The following ADAMTSL1 variants were observed in gnomAD, a reference collection of about 807,000 sequenced individuals.
The protein encoded by ADAMTSL1 is ADAMTS-like protein 1.
In ADAMTSL1, 126 loss-of-function variants were observed where a neutral mutation model predicts 201.8. The observed-to-expected ratio is 0.62, with a 90% CI of 0.54 to 0.72. The LOEUF (loss-of-function observed/expected upper bound fraction) is 0.72. Among genes scored for constraint, ADAMTSL1 ranks in the 30% least tolerant of loss-of-function variants. The probability of loss-of-function intolerance (pLI) is 0.00; values close to 1 mark genes in which losing one functional copy is unlikely to be tolerated. For missense variants in ADAMTSL1, 2,679 were observed against 2,277.8 expected, an observed-to-expected ratio of 1.18 and a Z score of -3.59; for synonymous variants, 1,121 against 903.4, an observed-to-expected ratio of 1.24 and a Z score of -4.32.
At chr9:18,271,288 C>T (rs1439962714) in intron 2 of ADAMTSL1, among the ~76,000 whole-genome samples, 3 of 152,024 alleles carry the variant, frequency 2.0e-5, no homozygotes, top group Non-Finnish European at 2.9e-5. Context: ...CCCATTAACT[C>T]GTCATTTACA....
chr9:18,512,042 T>G (rs956207446), intron 2 of ADAMTSL1, among the ~76,000 whole-genome samples: 4 of 152,224 alleles, frequency 2.6e-5, no homozygotes, highest in Non-Finnish European at 4.4e-5. Context: ...AAAAGAAAGA[T>G]ATACAAGTTC....
intron 2 of ADAMTSL1, among the ~76,000 whole-genome samples, chr9:18,528,663 A>G (rs767953330): frequency 6.6e-6 from 1 of 152,206 alleles, no homozygotes; most frequent in Non-Finnish European, 1.5e-5. Context: ...TGCTAGAAGA[A>G]ACATACCTGT....
chr9:18,774,555 A>C (rs1223781852), intron 17 of ADAMTSL1, among the ~76,000 whole-genome samples: 1 of 152,112 alleles, frequency 6.6e-6, no homozygotes, highest in African/African-American at 2.4e-5. Flanking sequence ...TATTGTTACC[A>C]TTAATTTTAT....
chr9:18,781,570 C>T (rs1408254332), intron 19 of ADAMTSL1, among the ~76,000 whole-genome samples: 1 of 152,214 alleles, frequency 6.6e-6, no homozygotes, highest in Non-Finnish European at 1.5e-5. Flanking sequence ...GACTGCTTTG[C>T]TGTGGGCTGT....
intron 23 of ADAMTSL1, among the ~76,000 whole-genome samples, chr9:18,864,080 C>T (rs1827365019): frequency 6.6e-6 from 1 of 152,316 alleles, no homozygotes; most frequent in South Asian, 2.1e-4. Context: ...TCCTAATCAG[C>T]CACAGCTTTC....
At chr9:18,039,499 TTTTTA>T (rs1303664779) in intron 1 of ADAMTSL1, among the ~76,000 whole-genome samples, 1 of 152,182 alleles carries the variant, frequency 6.6e-6, no homozygotes, top group African/African-American at 2.4e-5. Flanking sequence ...TATTGGTGTA[TTTTTA>T]TTTTATGAAT....
intron 19 of ADAMTSL1, among the ~76,000 whole-genome samples, chr9:18,785,276 T>A (rs1821636270): frequency 6.6e-6 from 1 of 152,218 alleles, no homozygotes; most frequent in Non-Finnish European, 1.5e-5. Context: ...TGCCACTGTT[T>A]TATAAGAAGG....
chr9:18,045,954 A>G (rs903911320), intron 1 of ADAMTSL1, among the ~76,000 whole-genome samples: 15 of 152,180 alleles, frequency 9.9e-5, no homozygotes, highest in Admixed American at 7.2e-4. Context: ...ACACTGAGAT[A>G]TTGAAGAAGC....
intron 2 of ADAMTSL1, among the ~76,000 whole-genome samples, chr9:18,281,457 G>T (rs1261233577): frequency 6.6e-6 from 1 of 152,120 alleles, no homozygotes; most frequent in Admixed American, 6.5e-5. Context: ...GACGATGAGA[G>T]GTCTCATGAA....
intron 1 of ADAMTSL1, among the ~76,000 whole-genome samples, chr9:18,056,606 T>G (rs1196427995): frequency 6.6e-6 from 1 of 151,990 alleles, no homozygotes; most frequent in Non-Finnish European, 1.5e-5. Flanking sequence ...GAAGAGGCAA[T>G]AAAAAGAGAC....
Position 18,069,068 on chromosome 9 carries a change from C to T in ADAMTSL1, c.88-94794C>T, listed in dbSNP as rs114347942. 3.6e-3 allele frequency among the ~76,000 whole-genome samples: 554 copies of T among 152,248 alleles called. 6 individuals are homozygous for T. The highest frequency in any genetic ancestry group is 0.013 in the African/African-American group (526 of 41,556). Reference sequence around the variant, plus strand: ...AAGGAAGAATGGATGGTTACATTAGCTAAGTGTGTGTCTAAAACAGGTCTA... The same window carrying T: ...AAGGAAGAATGGATGGTTACATTAGTTAAGTGTGTGTCTAAAACAGGTCTA... On this transcript the variant is annotated intron_variant, in intron 1 of 29. Transcript: ENST00000680146.
intron 2 of ADAMTSL1, among the ~76,000 whole-genome samples, chr9:18,358,833 A>G (rs1317759840): frequency 2.0e-5 from 3 of 152,178 alleles, no homozygotes; most frequent in Non-Finnish European, 2.9e-5. Flanking sequence ...GCTGCTATGA[A>G]CATTTGTGCA....
In ADAMTSL1 at chr9:18,321,666, G is replaced by A. The variant is rs558191541; in HGVS notation, c.207+157685G>A. 3.9e-5 allele frequency among the ~76,000 whole-genome samples: 6 copies of A among 152,152 alleles called. No homozygotes were observed. In the South Asian group the frequency reaches 1.2e-3, roughly 32 times the overall value. ...AAATTAGCCGGGCGTGGCAACAGGC[G>A]CCTGTAGTCCCAGTTACTTGGGATG... On this transcript the variant is annotated intron_variant, in intron 2 of 29. Coordinates refer to the ADAMTSL1 transcript ENST00000680146.
At position 18,692,357 on chromosome 9, in the gene ADAMTSL1, G is replaced by A. The variant is rs533644234; in HGVS notation, c.1574+7557G>A. On this transcript the variant is annotated intron_variant, in intron 13 of 28. Coordinates refer to ENST00000380548, the MANE Select transcript of ADAMTSL1 (RefSeq NM_001040272.6). The stretch of plus-strand genomic sequence containing the variant: ...TAAACTCAAGAGAGCAGATAGAGCC[G>A]TTTTTTTGTAGTCATTCCTTGATTG... 4.9e-4 allele frequency among the ~76,000 whole-genome samples: 75 copies of A among 152,222 alleles called. 2 individuals carry two copies. The highest frequency in any genetic ancestry group is 6.8e-3 in the Middle Eastern group (2 of 294).
At chr9:18,051,119 G>C (rs371225695) in intron 1 of ADAMTSL1, among the ~76,000 whole-genome samples, 1 of 152,236 alleles carries the variant, frequency 6.6e-6, no homozygotes, top group East Asian at 1.9e-4. Context: ...GGCTAACATA[G>C]TGAAACCCCA....
At chr9:18,379,308 T>C (rs1837444633) in intron 2 of ADAMTSL1, among the ~76,000 whole-genome samples, 1 of 152,230 alleles carries the variant, frequency 6.6e-6, no homozygotes, top group Non-Finnish European at 1.5e-5. Context: ...GAGATTCCAA[T>C]CTACCTGAGT....
chr9:18,099,394 G>T (rs1824416094), intron 1 of ADAMTSL1, among the ~76,000 whole-genome samples: 1 of 117,028 alleles, frequency 8.5e-6, no homozygotes, highest in Admixed American at 1.0e-4. Flanking sequence ...ATTTTACTAG[G>T]CTATGCTTTG....
At chr9:18,529,670 A>G (rs1355549271) in intron 2 of ADAMTSL1, among the ~76,000 whole-genome samples, 1 of 152,218 alleles carries the variant, frequency 6.6e-6, no homozygotes, top group Non-Finnish European at 1.5e-5. Flanking sequence ...ATTTAATAGT[A>G]GAGACTAGTG....
chr9:18,815,711 CAAAAAAAAAA>C (rs35926602), intron 20 of ADAMTSL1, among the ~76,000 whole-genome samples: 1 of 67,934 alleles, frequency 1.5e-5, no homozygotes, highest in East Asian at 3.5e-4. Context: ...AACCCTGTCT[CAAAAAAAAAA>C]AAAAAAAAAA....
Sources: allele counts gnomAD v4.1 joint callset (sites outside exome capture counted in the v4.1 genomes callset), GRCh38; gene constraint gnomAD v4.1.1; transcripts MANE v1.5; gene names NCBI Gene and HGNC (gene_info 2026-07-23, HGNC 2026-07-21).